Variants in TEC observed in about 807,000 individuals in gnomAD.
TEC encodes tyrosine-protein kinase Tec.
TEC carries 72 observed loss-of-function variants against 93.0 expected under a neutral mutation model. The observed-to-expected ratio is 0.77, with a 90% CI of 0.64 to 0.94. The LOEUF (loss-of-function observed/expected upper bound fraction) is 0.94. Among genes scored for constraint, TEC ranks in the 40% least tolerant of loss-of-function variants. The probability of loss-of-function intolerance (pLI) is 0.00; values close to 1 mark genes in which losing one functional copy is unlikely to be tolerated. For missense variants in TEC, 630 were observed against 757.9 expected, an observed-to-expected ratio of 0.83 and a Z score of 1.98; for synonymous variants, 249 against 247.7, an observed-to-expected ratio of 1.01 and a Z score of -0.05.
chr4:48,155,306 T>C (rs929422762), intron 9 of TEC, among the ~76,000 whole-genome samples: 1 of 152,198 alleles, frequency 6.6e-6, no homozygotes, highest in Admixed American at 6.5e-5. Flanking sequence ...ACATGATAAA[T>C]GGGAGCCAGT....
intron 12 of TEC, 78 bp downstream of exon 12, chr4:48,146,247 T>C (rs1719900749): frequency 1.5e-6 from 2 of 1,363,936 alleles, no homozygotes; most frequent in East Asian, 2.3e-5. Context: ...TGTGAAATAG[T>C]ACACATCCAA....
chr4:48,246,205 A>C (rs1241987858), intron 1 of TEC, among the ~76,000 whole-genome samples: 1 of 152,250 alleles, frequency 6.6e-6, no homozygotes, highest in Non-Finnish European at 1.5e-5. Flanking sequence ...AAATGCAGGA[A>C]CAAAATTTAA....
chr4:48,164,351 G>A (rs933830788), intron 7 of TEC, among the ~76,000 whole-genome samples: 1 of 152,112 alleles, frequency 6.6e-6, no homozygotes, highest in Non-Finnish European at 1.5e-5. Context: ...AATGTGAACT[G>A]AGAAGACCTA....
intron 1 of TEC, among the ~76,000 whole-genome samples, chr4:48,251,031 A>C (rs988707919): frequency 2.0e-5 from 3 of 152,176 alleles, no homozygotes; most frequent in African/African-American, 7.2e-5. Context: ...ATCTCCTTAT[A>C]ATCATTTTTC....
chr4:48,204,256 G>C (rs1722630122), intron 2 of TEC, among the ~76,000 whole-genome samples: 1 of 152,152 alleles, frequency 6.6e-6, no homozygotes, highest in Admixed American at 6.5e-5. Context: ...TTGCCTTCTG[G>C]GAGTCTGGAA....
chr4:48,257,425 C>T (rs1296585315), intron 1 of TEC, among the ~76,000 whole-genome samples: 1 of 148,268 alleles, frequency 6.7e-6, no homozygotes, highest in Non-Finnish European at 1.5e-5. Flanking sequence ...CTAGGTTGTC[C>T]AGCTCTGTTT....
At chr4:48,139,681 TA>T (rs1260872447) in intron 15 of TEC, among the ~76,000 whole-genome samples, 1 of 152,220 alleles carries the variant, frequency 6.6e-6, no homozygotes, top group Non-Finnish European at 1.5e-5. Context: ...TAGCTAACTT[TA>T]GGGGAGAATC....
intron 8 of TEC, among the ~76,000 whole-genome samples, chr4:48,157,241 C>T (rs1720439742): frequency 6.6e-6 from 1 of 152,160 alleles, no homozygotes; most frequent in African/African-American, 2.4e-5. Context: ...TATTCCAAGC[C>T]CTCCTCCTAT....
At chr4:48,196,028 A>G (rs1018259349) in intron 2 of TEC, among the ~76,000 whole-genome samples, 6 of 152,184 alleles carry the variant, frequency 3.9e-5, no homozygotes, top group Non-Finnish European at 7.3e-5. Flanking sequence ...GAGATACCAC[A>G]TTATAGCACC....
At chr4:48,211,808 C>T (rs961248288) in intron 2 of TEC, among the ~76,000 whole-genome samples, 8 of 152,002 alleles carry the variant, frequency 5.3e-5, no homozygotes, top group African/African-American at 1.4e-4. Context: ...TTAATATAAG[C>T]ATTCACAGGC....
chr4:48,200,854 G>A (rs966328722), intron 2 of TEC, among the ~76,000 whole-genome samples: 3 of 152,216 alleles, frequency 2.0e-5, no homozygotes, highest in Non-Finnish European at 4.4e-5. Flanking sequence ...ACTATGGAGA[G>A]GAAAGACAGG....
At chr4:48,162,771 T>C (rs937839867) in intron 8 of TEC, among the ~76,000 whole-genome samples, 7 of 152,324 alleles carry the variant, frequency 4.6e-5, no homozygotes, top group African/African-American at 9.6e-5. Context: ...GTTGTTGCTA[T>C]TGTTTTCAAG....
At chr4:48,159,619 A>C (rs1279757255) in intron 8 of TEC, among the ~76,000 whole-genome samples, 1 of 148,066 alleles carries the variant, frequency 6.8e-6, no homozygotes, top group Non-Finnish European at 1.5e-5. Flanking sequence ...GTAATGGCGC[A>C]ATCTTGGCAA....
At chr4:48,204,738 CA>C (rs1308004637) in intron 2 of TEC, among the ~76,000 whole-genome samples, 1 of 152,178 alleles carries the variant, frequency 6.6e-6, no homozygotes. Context: ...GTGCAGTTCA[CA>C]AGAGGGTTCG....
intron 3 of TEC, among the ~76,000 whole-genome samples, chr4:48,172,587 C>T (rs968603247): frequency 9.9e-5 from 15 of 152,006 alleles, no homozygotes; most frequent in African/African-American, 3.4e-4. Context: ...GGTGTGAGAG[C>T]CACGGTAACC....
At chr4:48,188,760 C>T (rs376785376) in intron 2 of TEC, among the ~76,000 whole-genome samples, 1 of 152,162 alleles carries the variant, frequency 6.6e-6, no homozygotes, top group Non-Finnish European at 1.5e-5. Context: ...CAGGTCAATA[C>T]ATGCAGGACT....
chr4:48,235,860 C>T (rs1723768983), intron 1 of TEC, among the ~76,000 whole-genome samples: 1 of 152,214 alleles, frequency 6.6e-6, no homozygotes. Flanking sequence ...CAACAACCTT[C>T]TGAAGTATGT....
intron 2 of TEC, among the ~76,000 whole-genome samples, chr4:48,199,544 A>G (rs922566215): frequency 1.5e-4 from 21 of 140,208 alleles, no homozygotes; most frequent in Non-Finnish European, 2.3e-4. Flanking sequence ...TCAGCTCACT[A>G]CAACCTCCGC....
At chr4:48,236,766 C>G (rs187650300) in intron 1 of TEC, among the ~76,000 whole-genome samples, 1 of 152,310 alleles carries the variant, frequency 6.6e-6, no homozygotes, top group Admixed American at 6.5e-5. Flanking sequence ...CACTGTATCA[C>G]CGGTGAGAAA....
Sources: gnomAD v4.1 joint callset for allele counts (sites outside exome capture counted in the v4.1 genomes callset) on GRCh38, gnomAD v4.1.1 for gene constraint, MANE v1.5 for transcripts, NCBI Gene and HGNC (gene_info 2026-07-23, HGNC 2026-07-21) for gene names.